CAMTA1: variants seen among roughly 807,000 people sequenced by gnomAD.
CAMTA1 encodes the protein calmodulin binding transcription activator 1, also known as calmodulin-binding transcription activator 1.
In CAMTA1, 27 loss-of-function variants were observed where a neutral mutation model predicts 170.9. That is an observed-to-expected ratio of 0.16 (90% CI 0.12 to 0.22). The LOEUF is 0.22. Ranked by LOEUF, CAMTA1 falls within the 10% of genes least tolerant of loss-of-function variation. The probability of loss-of-function intolerance (pLI) is 1.00; values close to 1 mark genes in which losing one functional copy is unlikely to be tolerated. For synonymous variants in CAMTA1, 833 were observed against 891.5 expected, an observed-to-expected ratio of 0.93 and a Z score of 1.17; for missense variants, 1,619 against 2,217.2, an observed-to-expected ratio of 0.73 and a Z score of 5.42.
At chr1:7,074,385 T>G (rs1395872800) in intron 3 of CAMTA1, among the ~76,000 whole-genome samples, 1 of 152,194 alleles carries the variant, frequency 6.6e-6, no homozygotes, top group Non-Finnish European at 1.5e-5. Flanking sequence ...TTCCTAATTA[T>G]AAAAACACAT....
At chr1:6,872,005 TCA>T in intron 3 of CAMTA1, 1 of 1,191,460 alleles carries the variant, frequency 8.4e-7, no homozygotes, top group Non-Finnish European at 1.1e-6. Context: ...AAAATTCATT[TCA>T]GTTTTAAAAT....
chr1:7,735,210 G>A (rs1483228811), intron 12 of CAMTA1, among the ~76,000 whole-genome samples: 1 of 152,142 alleles, frequency 6.6e-6, no homozygotes, highest in Non-Finnish European at 1.5e-5. Flanking sequence ...TTCAGAAGAA[G>A]CAAGAGGCTG....
chr1:7,419,179 G>A (rs1034644001), intron 5 of CAMTA1, among the ~76,000 whole-genome samples: 6 of 132,972 alleles, frequency 4.5e-5, no homozygotes, highest in East Asian at 2.3e-4. Flanking sequence ...TATTTGAGAC[G>A]AAGTTTTGCT....
chr1:7,211,063 C>T (rs1315114900), intron 4 of CAMTA1, among the ~76,000 whole-genome samples: 1 of 152,138 alleles, frequency 6.6e-6, no homozygotes, highest in Non-Finnish European at 1.5e-5. Flanking sequence ...CACCTAGGTT[C>T]TTTAATGAAC....
chr1:7,542,767 G>T (rs1005666121), intron 6 of CAMTA1, among the ~76,000 whole-genome samples: 3 of 152,046 alleles, frequency 2.0e-5, no homozygotes, highest in African/African-American at 7.2e-5. Context: ...GGCCTCAAGT[G>T]AATCTGCCCG....
chr1:7,651,473 C>T (rs1355759425), intron 7 of CAMTA1, among the ~76,000 whole-genome samples: 1 of 152,244 alleles, frequency 6.6e-6, no homozygotes, highest in East Asian at 1.9e-4. Context: ...GCAGAGGGGA[C>T]AGGTAGCTGG....
intron 5 of CAMTA1, among the ~76,000 whole-genome samples, chr1:7,276,303 A>ATATATATATATATAATTTTTT: frequency 4.1e-5 from 1 of 24,230 alleles, no homozygotes; most frequent in African/African-American, 3.0e-4. Context: ...ATATATATAT[A>ATATATATATATATAATTTTTT]TTTTTTTTTT....
intron 6 of CAMTA1, among the ~76,000 whole-genome samples, chr1:7,495,342 G>A (rs1038196448): frequency 1.3e-5 from 2 of 152,130 alleles, no homozygotes; most frequent in East Asian, 3.9e-4. Flanking sequence ...GCTGTGTTCT[G>A]GGGGCTTTGT....
At chr1:6,816,839 A>G (rs112949463) in intron 1 of CAMTA1, among the ~76,000 whole-genome samples, 2 of 152,334 alleles carry the variant, frequency 1.3e-5, no homozygotes, top group African/African-American at 2.4e-5. Context: ...TTGTCCTGTG[A>G]AAGTTCCTGG....
intron 4 of CAMTA1, among the ~76,000 whole-genome samples, chr1:7,108,261 C>T (rs575325947): frequency 3.3e-5 from 5 of 152,262 alleles, no homozygotes; most frequent in Admixed American, 1.3e-4. Context: ...AGAAAATTAC[C>T]TTCTCACCGT....
At chr1:7,327,145 A>C (rs10746470) in intron 5 of CAMTA1, among the ~76,000 whole-genome samples, 1 of 151,760 alleles carries the variant, frequency 6.6e-6, no homozygotes, top group Non-Finnish European at 1.5e-5. Flanking sequence ...GGCCGGGCGC[A>C]GTGGCTCACG....
intron 5 of CAMTA1, among the ~76,000 whole-genome samples, chr1:7,339,701 A>G (rs191215456): frequency 6.1e-4 from 92 of 152,044 alleles, no homozygotes; most frequent in African/African-American, 2.2e-3. Context: ...GGTTCAAGCA[A>G]TTCTCCTGCC....
chr1:7,499,704 A>G (rs1247865777), intron 6 of CAMTA1, among the ~76,000 whole-genome samples: 9 of 134,348 alleles, frequency 6.7e-5, no homozygotes, highest in Admixed American at 1.5e-4. Context: ...GCATATGTAT[A>G]TGAGTGTGTG....
chr1:6,839,360 C>T (rs534501430), intron 3 of CAMTA1, among the ~76,000 whole-genome samples: 36 of 151,962 alleles, frequency 2.4e-4, no homozygotes, highest in African/African-American at 8.7e-4. Context: ...CCAGCCTGGG[C>T]GACAGAGCGA....
At chr1:6,902,080 A>C (rs1034798021) in intron 3 of CAMTA1, among the ~76,000 whole-genome samples, 46 of 121,568 alleles carry the variant, frequency 3.8e-4, no homozygotes, top group African/African-American at 8.8e-4. Flanking sequence ...CACAAAAAAA[A>C]AAATAAAAAT....
intron 5 of CAMTA1, among the ~76,000 whole-genome samples, chr1:7,447,061 G>T (rs2092698835): frequency 6.6e-6 from 1 of 152,128 alleles, no homozygotes; most frequent in Non-Finnish European, 1.5e-5. Context: ...CCGTGCACTG[G>T]AGGATGCGGC....
At chr1:6,841,704 G>C (rs1364604657) in intron 3 of CAMTA1, among the ~76,000 whole-genome samples, 1 of 152,164 alleles carries the variant, frequency 6.6e-6, no homozygotes, top group Non-Finnish European at 1.5e-5. Context: ...CTGGAAGGAA[G>C]GGGCATTAGT....
intron 11 of CAMTA1, among the ~76,000 whole-genome samples, chr1:7,731,581 A>C (rs1424714334): frequency 7.6e-4 from 116 of 151,740 alleles, no homozygotes; most frequent in Non-Finnish European, 7.4e-5. Flanking sequence ...CAAAAAAAAA[A>C]AAAAAAGAAA....
rs1666151369 is a variant in CAMTA1, at chr1:7,248,390, C to A, written c.303-1101C>A. ...CTTATTTGTGTAAAGAGCTCTCTGG[C>A]CGTGGCTGAGAGTGAGGTGGCAAGC... On this transcript the variant is annotated intron_variant, in intron 4 of 22. Transcript: ENST00000303635. The surrounding 1 kb of genome is among the most constrained non-coding windows in gnomAD (Gnocchi z 4.0). 6.6e-6 allele frequency among the ~76,000 whole-genome samples: 1 copy of A among 152,166 alleles called. No individual in the cohort carries two copies. The highest frequency in any genetic ancestry group is 2.4e-5 in the African/African-American group (1 of 41,434).
Sources: allele counts gnomAD v4.1 joint callset (sites outside exome capture counted in the v4.1 genomes callset), GRCh38; gene constraint gnomAD v4.1.1; non-coding constraint Gnocchi (gnomAD v3.1); transcripts MANE v1.5; gene names NCBI Gene and HGNC (gene_info 2026-07-23, HGNC 2026-07-21).